The following OTOA variants were observed in gnomAD, a reference collection of about 807,000 sequenced individuals.
The protein encoded by OTOA is cancer/testis antigen 108.
A neutral mutation model predicts 110.8 loss-of-function variants in OTOA; 70 were observed. That is an observed-to-expected ratio of 0.63 (90% CI 0.52 to 0.77). OTOA has a LOEUF of 0.77. OTOA is among the 30% of genes least tolerant of loss of function. The pLI is 0.00. For synonymous variants in OTOA, 373 were observed against 431.5 expected, an observed-to-expected ratio of 0.86 and a Z score of 1.68; for missense variants, 917 against 1,075.8, an observed-to-expected ratio of 0.85 and a Z score of 2.06.
intron 12 of OTOA, 131 bp downstream of exon 12, chr16:21,705,423 A>G: frequency 7.2e-7 from 1 of 1,389,376 alleles, no homozygotes; most frequent in East Asian, 2.3e-5. Context: ...CAGTCACAGC[A>G]GATGGCATCT....
intron 9 of OTOA, among the ~76,000 whole-genome samples, chr16:21,694,898 G>C (rs954089277): frequency 6.6e-6 from 1 of 152,132 alleles, no homozygotes; most frequent in Non-Finnish European, 1.5e-5. Flanking sequence ...GTCTCACACT[G>C]GGTAACCATG....
chr16:21,664,660 A>T (rs1270138491), intron 1 of OTOA, among the ~76,000 whole-genome samples: 2 of 152,012 alleles, frequency 1.3e-5, no homozygotes, highest in Non-Finnish European at 2.9e-5. Flanking sequence ...CCTACCTCAT[A>T]ACAGTTGTGT....
intron 19 of OTOA, chr16:21,726,989 G>A: frequency 5.8e-6 from 2 of 347,722 alleles, no homozygotes; most frequent in East Asian, 1.4e-4. Context: ...GTAAGGTGGG[G>A]GGAGTAGCAC....
chr16:21,728,250 A>G lies in OTOA; in HGVS notation c.2026A>G (p.Ile676Val). ...CACTTTTTGGGTTCAGGACGACTCCATTGCTGATGAGTACACTGTGGACAT... is the reference window on the plus strand; with the variant it reads ...CACTTTTTGGGTTCAGGACGACTCCGTTGCTGATGAGTACACTGTGGACAT... ...RKVQQCLDDS[I>V]ADEYTVDIMG... The change falls in exon 20 of 29, where the codon ATT (isoleucine) becomes GTT (valine). Residue 676 changes from isoleucine (I) to valine (V), a missense_variant. Physicochemically the swap from Ile to Val is conservative, Grantham distance 29. Coordinates refer to ENST00000646100, the MANE Select transcript of OTOA (RefSeq NM_144672.4). 6.2e-7 allele frequency: 1 copy of G among 1,614,090 alleles called. No individual in the cohort carries two copies. The highest frequency in any genetic ancestry group is 8.5e-7 in the Non-Finnish European group (1 of 1,180,002).
chr16:21,693,718 G>A (rs1897879177), intron 9 of OTOA, among the ~76,000 whole-genome samples: 1 of 152,148 alleles, frequency 6.6e-6, no homozygotes, highest in Non-Finnish European at 1.5e-5. Context: ...TGAGAGTATA[G>A]GTGCCTGCCA....
At chr16:21,728,121 T>C (rs1898982359) in intron 19 of OTOA, 120 bp from the exon 20 acceptor site, 4 of 1,283,322 alleles carry the variant, frequency 3.1e-6, no homozygotes, top group African/African-American at 2.9e-5. Flanking sequence ...TGCCTCGGCC[T>C]CCCAGAGTGC....
intron 9 of OTOA, among the ~76,000 whole-genome samples, chr16:21,693,791 G>A (rs530004724): frequency 2.6e-5 from 4 of 152,214 alleles, no homozygotes; most frequent in Admixed American, 6.5e-5. Flanking sequence ...GGCCAGGCTG[G>A]TCTCAAACTC....
Position 21,687,550 on chromosome 16 carries a change from C to G in OTOA, c.537C>G (p.Ile179Met), listed in dbSNP as rs1360506456. The G allele has an allele frequency of 1.2e-6, 2 of 1,614,080 alleles. No homozygotes were observed. The highest frequency in any genetic ancestry group is 1.7e-6 in the Non-Finnish European group (2 of 1,180,004). Residue 179 changes from isoleucine to methionine, a missense_variant, in exon 8 of 29, where the codon ATC becomes ATG. Around this residue, in one of 6 missense-constraint regions of OTOA, gnomAD observed 840 missense variants for 910.2 expected, o/e 0.92. Coordinates refer to ENST00000646100, the MANE Select transcript of OTOA (RefSeq NM_144672.4). Reference sequence around the variant, plus strand: ...TGAACTCCCTGGAGTGTGTGGAGATCCTGGGCAAGGTGCTGAGGGGGTCCT... The same window carrying G: ...TGAACTCCCTGGAGTGTGTGGAGATGCTGGGCAAGGTGCTGAGGGGGTCCT... Reference protein sequence around the residue: ...QMLNSLECVEILGKVLRGSSG... With the variant: ...QMLNSLECVEMLGKVLRGSSG...
chr16:21,669,298 G>A (rs1966845994), intron 1 of OTOA, among the ~76,000 whole-genome samples: 1 of 152,026 alleles, frequency 6.6e-6, no homozygotes, highest in South Asian at 2.1e-4. Context: ...AGCTGAGATC[G>A]TGCCACTGCA....
intron 14 of OTOA, 72 bp downstream of exon 14, chr16:21,715,224 T>C: frequency 6.3e-7 from 1 of 1,599,850 alleles, no homozygotes; most frequent in Admixed American, 1.7e-5. Context: ...GAGTGGGCTG[T>C]GACTTTGGGC....
At chr16:21,690,507 C>T (rs1182772018) in intron 8 of OTOA, among the ~76,000 whole-genome samples, 3 of 152,070 alleles carry the variant, frequency 2.0e-5, no homozygotes, top group African/African-American at 7.2e-5. Flanking sequence ...ATTCATGTCC[C>T]TGCAAAAGAC....
In OTOA at chr16:21,691,608, C is replaced by G; in HGVS notation, c.660C>G (p.Tyr220Ter). 1 of 1,613,794 alleles carries G rather than the reference C, an allele frequency of 6.2e-7. No individual in the cohort carries two copies. ...KNLSAVFKDL[Y>*]DKTSAHSQRA... The stretch of plus-strand genomic sequence containing the variant: ...GATCTGCAGTGTTCAAAGATCTCTA[C>G]GACAAAACCTCGGCTCATTCCCAGA... The change falls in exon 9 of 29, where the codon TAC (tyrosine) becomes TAG (stop). Residue 220 changes from tyrosine (Y) to a stop codon, truncating the protein, a stop_gained. Coordinates refer to ENST00000646100, the MANE Select transcript of OTOA (RefSeq NM_144672.4). LOFTEE classifies it high-confidence loss of function.
intron 18 of OTOA, among the ~76,000 whole-genome samples, chr16:21,723,448 A>C (rs1004015982): frequency 1.3e-5 from 2 of 152,114 alleles, no homozygotes; most frequent in Non-Finnish European, 2.9e-5. Flanking sequence ...TTCATTCAAA[A>C]AAAAAAAAAA....
rs1597835266 is a variant in OTOA, at chr16:21,715,170, G to A, written c.1488+18G>A. ...TCAGCAAGGTGAGAGGAAGATGTCT[G>A]GTGCTCAGCCACATGTCACAGGGGG... On this transcript the variant is annotated intron_variant, in intron 14 of 28. Transcript: ENST00000646100. The A allele has an allele frequency of 6.2e-7, 1 of 1,613,928 alleles. No individual in the cohort carries two copies. The highest frequency in any genetic ancestry group is 1.7e-5 in the Admixed American group (1 of 60,004).
Position 21,697,847 on chromosome 16 carries a change from A to G in OTOA, c.812A>G (p.Glu271Gly), listed in dbSNP as rs1897976061. Residue 271 changes from glutamate to glycine, a missense_variant, in exon 10 of 29, where the codon GAA (glutamate) becomes GGA (glycine). Glu to Gly is a moderately conservative substitution (Grantham distance 98). Transcript: ENST00000646100. ...AGATACATGGTTCACCTATCGTTTG[A>G]AGAAATTACGAAAATTAGTCCTATA... is the stretch of plus-strand genomic sequence containing the variant. ...LGRYMVHLSF[E>G]EITKISPIEI... The G allele has an allele frequency of 1.2e-6, 2 of 1,614,052 alleles. No homozygotes were observed. Among genetic ancestry groups the G allele is most frequent in the Non-Finnish European group, 1.7e-6 (2 of 1,179,968 alleles).
intron 9 of OTOA, among the ~76,000 whole-genome samples, chr16:21,696,038 G>C (rs1191911355): frequency 6.6e-6 from 1 of 150,812 alleles, no homozygotes; most frequent in Non-Finnish European, 1.5e-5. Context: ...GGGACTACAG[G>C]CGTGCGCTAC....
rs866563467 is a variant in OTOA, at chr16:21,695,895, T to A, written c.740-1880T>A. Among the ~76,000 whole-genome samples, 445 of 85,460 alleles carry A rather than the reference T, an allele frequency of 5.2e-3. 1 individual carries two copies. The highest frequency in any genetic ancestry group is 0.014 in the East Asian group (35 of 2,592). 56.1% of individuals were successfully genotyped at this position (85,460 alleles called of 152,430 possible). A position where few individuals can be genotyped will look rare whatever the true frequency, so the allele number is the denominator to read the frequency against. On this transcript the variant is annotated intron_variant, in intron 9 of 28. Coordinates refer to ENST00000646100, the MANE Select transcript of OTOA (RefSeq NM_144672.4). Reference sequence around the variant, plus strand: ...TATATATATATATATATATATATTTTTTTTTTTTTTTTTTTCTGAGATGGA... The same window carrying A: ...TATATATATATATATATATATATTTATTTTTTTTTTTTTTTCTGAGATGGA...
intron 20 of OTOA, chr16:21,729,585 G>C (rs1234156689): frequency 6.6e-6 from 1 of 152,096 alleles, no homozygotes. Context: ...GTTCAGACAA[G>C]TATATAATAA....
At chr16:21,701,402 G>A (rs1400783843) in intron 11 of OTOA, among the ~76,000 whole-genome samples, 1 of 152,104 alleles carries the variant, frequency 6.6e-6, no homozygotes, top group Non-Finnish European at 1.5e-5. Context: ...ATAACTCATG[G>A]GTCCCCATAT....
Sources: gnomAD v4.1 joint callset for allele counts (sites outside exome capture counted in the v4.1 genomes callset) on GRCh38, gnomAD v4.1.1 for gene constraint, gnomAD v4.1.1 regional missense constraint, MANE v1.5 for transcripts, NCBI Gene and HGNC (gene_info 2026-07-23, HGNC 2026-07-21) for gene names.